The following ANKFN1 variants were observed in gnomAD, a reference collection of about 807,000 sequenced individuals.
The protein encoded by ANKFN1 is ankyrin repeat and fibronectin type III domain containing 1, also known as ankyrin repeat and fibronectin type-III domain-containing protein 1.
ANKFN1 carries 74 observed loss-of-function variants against 108.7 expected under a neutral mutation model. The observed-to-expected ratio is 0.68, with a 90% CI of 0.56 to 0.83. ANKFN1 has a LOEUF of 0.83. Among genes scored for constraint, ANKFN1 ranks in the 40% least tolerant of loss-of-function variants. The probability of loss-of-function intolerance (pLI) is 0.00; values close to 1 mark genes in which losing one functional copy is unlikely to be tolerated. For synonymous variants in ANKFN1, 547 were observed against 516.2 expected, an observed-to-expected ratio of 1.06 and a Z score of -0.81; for missense variants, 1,505 against 1,382.3, an observed-to-expected ratio of 1.09 and a Z score of -1.41.
At chr17:56,156,796 T>C (rs945300770) in intron 1 of ANKFN1, among the ~76,000 whole-genome samples, 2 of 152,206 alleles carry the variant, frequency 1.3e-5, no homozygotes, top group Non-Finnish European at 2.9e-5. Flanking sequence ...CCCTCTGTTT[T>C]TATAAATAAT....
intron 3 of ANKFN1, among the ~76,000 whole-genome samples, chr17:56,250,899 C>T (rs1043443342): frequency 6.6e-6 from 1 of 152,134 alleles, no homozygotes; most frequent in African/African-American, 2.4e-5. Context: ...CAACTCTTTC[C>T]AGAAACAAGT....
chr17:56,432,405 AATGT>A (rs2048787562), intron 8 of ANKFN1, among the ~76,000 whole-genome samples: 1 of 152,250 alleles, frequency 6.6e-6, no homozygotes, highest in African/African-American at 2.4e-5. Context: ...ATATTGTAAT[AATGT>A]ATAATAAAAT....
At chr17:56,282,847 A>G (rs1427106685) in intron 3 of ANKFN1, among the ~76,000 whole-genome samples, 1 of 152,204 alleles carries the variant, frequency 6.6e-6, no homozygotes, top group Non-Finnish European at 1.5e-5. Flanking sequence ...TTAGTAAAGT[A>G]CCTTTAAATT....
At chr17:56,353,810 G>A (rs2046307694) in intron 5 of ANKFN1, 26 bp from the exon 6 acceptor site, 1 of 1,608,356 alleles carries the variant, frequency 6.2e-7, no homozygotes, top group African/African-American at 1.3e-5. Flanking sequence ...AAGAAATTGT[G>A]CTGATCTACT....
intron 4 of ANKFN1, among the ~76,000 whole-genome samples, chr17:56,078,699 G>A (rs1040898292): frequency 4.6e-5 from 7 of 152,020 alleles, no homozygotes; most frequent in African/African-American, 1.7e-4. Context: ...AGATACCCTG[G>A]GCAGGCATCG....
intron 4 of ANKFN1, among the ~76,000 whole-genome samples, chr17:56,046,515 T>TAA (rs143732713): frequency 2.7e-5 from 4 of 149,822 alleles, no homozygotes; most frequent in South Asian, 4.2e-4. Context: ...CTGCAGATTA[T>TAA]AAAAAAAAAA....
intron 4 of ANKFN1, among the ~76,000 whole-genome samples, chr17:56,062,573 T>TTTTTTTTTTTTTTC (rs1555589520): frequency 6.9e-6 from 1 of 145,226 alleles, no homozygotes; most frequent in African/African-American, 2.8e-5. Context: ...TTTTTTTTTT[T>TTTTTTTTTTTTTTC]CTTTCCATTT....
intron 4 of ANKFN1, among the ~76,000 whole-genome samples, chr17:56,350,276 G>T (rs1322125303): frequency 6.6e-6 from 1 of 152,098 alleles, no homozygotes; most frequent in African/African-American, 2.4e-5. Context: ...AGAGATTGGG[G>T]CTATGCAGAA....
In ANKFN1 at chr17:56,480,677, G is replaced by A. The variant is rs2050662463; in HGVS notation, c.1950G>A (p.Trp650Ter). The change falls in exon 17 of 21, where the codon TGG becomes TGA. Residue 650 changes from tryptophan to a stop codon, truncating the protein, a stop_gained. Coordinates refer to ENST00000682825, the MANE Select transcript of ANKFN1 (RefSeq NM_001370326.1). LOFTEE classifies it high-confidence loss of function. ...RENNNISREEWEWIQKLSGSE... is the reference protein window; with the variant it reads ...RENNNISREE ...TTGACTCAACATACAGAGAGGAATG[G>A]GAATGGATCCAAAAGCTTTCTGGCT... 6.2e-7 allele frequency: 1 copy of A among 1,613,552 alleles called. No homozygotes were observed. The highest frequency in any genetic ancestry group is 1.3e-5 in the African/African-American group (1 of 74,842).
chr17:56,225,357 A>C (rs968877068), intron 2 of ANKFN1, among the ~76,000 whole-genome samples: 4 of 152,208 alleles, frequency 2.6e-5, no homozygotes, highest in Non-Finnish European at 5.9e-5. Context: ...ATTATTAAAT[A>C]TGAATTTTTT....
At chr17:56,373,988 T>A in intron 7 of ANKFN1, among the ~76,000 whole-genome samples, 1 of 152,164 alleles carries the variant, frequency 6.6e-6, no homozygotes, top group East Asian at 1.9e-4. Flanking sequence ...CCCATAAATT[T>A]TTTTCTCGGA....
chr17:56,106,612 C>A (rs1194159184), intron 4 of ANKFN1, among the ~76,000 whole-genome samples: 1 of 152,118 alleles, frequency 6.6e-6, no homozygotes. Context: ...AATTTCTGAT[C>A]CCAGAACTGT....
chr17:56,056,017 A>T (rs1904871135), intron 4 of ANKFN1, among the ~76,000 whole-genome samples: 2 of 151,458 alleles, frequency 1.3e-5, no homozygotes, highest in Admixed American at 1.3e-4. Context: ...TTTGCTGCTT[A>T]TATTTCCTCT....
intron 13 of ANKFN1, 35 bp downstream of exon 13, chr17:56,457,424 T>G (rs200228785): frequency 6.5e-7 from 1 of 1,547,056 alleles, no homozygotes; most frequent in Non-Finnish European, 8.7e-7. Context: ...TTCCCTACTT[T>G]GTACCAATGT....
intron 6 of ANKFN1, among the ~76,000 whole-genome samples, chr17:56,372,221 A>C (rs2046829093): frequency 6.6e-6 from 1 of 152,244 alleles, no homozygotes; most frequent in Non-Finnish European, 1.5e-5. Context: ...ATCAGAATGC[A>C]ACTTGCCTCA....
intron 1 of ANKFN1, among the ~76,000 whole-genome samples, chr17:56,155,110 G>A (rs1220014799): frequency 1.3e-5 from 2 of 152,188 alleles, no homozygotes; most frequent in Admixed American, 1.3e-4. Context: ...CTGCAAAAAG[G>A]AACATGGCAG....
chr17:56,135,929 T>C (rs754365277), intron 4 of ANKFN1, among the ~76,000 whole-genome samples: 6 of 152,138 alleles, frequency 3.9e-5, no homozygotes, highest in Non-Finnish European at 5.9e-5. Context: ...TCAAAAATTA[T>C]GTGAATGAGA....
intron 4 of ANKFN1, among the ~76,000 whole-genome samples, chr17:56,086,478 C>G (rs187672704): frequency 2.6e-5 from 4 of 151,556 alleles, no homozygotes; most frequent in Admixed American, 6.6e-5. Flanking sequence ...AAAAGGATTA[C>G]TGTTTCAAAG....
chr17:56,309,476 T>C (rs2044943588), intron 3 of ANKFN1, among the ~76,000 whole-genome samples: 1 of 152,198 alleles, frequency 6.6e-6, no homozygotes, highest in Non-Finnish European at 1.5e-5. Context: ...CAATTTTATC[T>C]TTTAAAAGAC....
Sources: gnomAD v4.1 joint callset for allele counts (sites outside exome capture counted in the v4.1 genomes callset) on GRCh38, gnomAD v4.1.1 for gene constraint, MANE v1.5 for transcripts, NCBI Gene and HGNC (gene_info 2026-07-23, HGNC 2026-07-21) for gene names.